Variants in CELSR1 observed in about 807,000 individuals in gnomAD.
CELSR1 encodes cadherin EGF LAG seven-pass G-type receptor 1.
Under a neutral mutation model 249.1 loss-of-function variants are expected in CELSR1, and 110 were observed. The ratio of observed to expected loss-of-function variants is 0.44; its 90% confidence interval spans 0.38 to 0.52. The LOEUF is 0.52. Ranked by LOEUF, CELSR1 falls within the 20% of genes least tolerant of loss-of-function variation. CELSR1 has a pLI of 0.00. For synonymous variants in CELSR1, 2,113 were observed against 1,900.0 expected, an observed-to-expected ratio of 1.11 and a Z score of -2.92; for missense variants, 4,109 against 4,296.4, an observed-to-expected ratio of 0.96 and a Z score of 1.22.
chr22:46,449,543 C>A (rs2079858914), intron 2 of CELSR1, among the ~76,000 whole-genome samples: 1 of 152,134 alleles, frequency 6.6e-6, no homozygotes, highest in African/African-American at 2.4e-5. Context: ...GCCCACCTGT[C>A]CCTCCACCCA....
Position 46,535,036 on chromosome 22 carries a change from C to T in CELSR1, c.2135G>A (p.Arg712His). 6.2e-7 allele frequency: 1 copy of T among 1,612,486 alleles called. No individual in the cohort carries two copies. The highest frequency in any genetic ancestry group is 8.5e-7 in the Non-Finnish European group (1 of 1,179,934). The change falls in exon 1 of 35, where the codon CGC becomes CAC. Residue 712 changes from arginine (R) to histidine (H), a missense_variant. Physicochemically the swap from Arg to His is conservative, Grantham distance 29. This residue lies in a region of CELSR1 where 886 missense variants were observed against 896.5 expected (regional missense o/e 0.99). Transcript: ENST00000674500. ...VGSSVLTLQA[R>H]DRDANSVITY... Reference sequence around the variant, plus strand: ...AATCACACTGTTGGCGTCACGGTCGCGGGCCTGCAGGGTCAGCACGCTGCT... The same window carrying T: ...AATCACACTGTTGGCGTCACGGTCGTGGGCCTGCAGGGTCAGCACGCTGCT...
chr22:46,365,443 C>T, intron 31 of CELSR1, 63 bp from the exon 32 acceptor site: 1 of 1,589,160 alleles, frequency 6.3e-7, no homozygotes, highest in Non-Finnish European at 8.6e-7. Context: ...CCACCGAGGG[C>T]CAAGCAGAGC....
In CELSR1 at chr22:46,535,950, G is replaced by A. The variant is rs1418919533; in HGVS notation, c.1221C>T (p.Gly407=). ...CCAGCACCGCCCGTGTGCTCACCACGCCAGAGCTCTCGTTGAGCTGGAAGA... is the reference window on the plus strand; with the variant it reads ...CCAGCACCGCCCGTGTGCTCACCACACCAGAGCTCTCGTTGAGCTGGAAGA... ...WDVFQLNESS[G]VVSTRAVLDR... Residue 407 remains glycine (G), a synonymous_variant, in exon 1 of 35, where the codon GGC becomes GGT. Transcript: ENST00000674500. The A allele has an allele frequency of 1.9e-6, 3 of 1,609,586 alleles. No individual in the cohort carries two copies. Among genetic ancestry groups the A allele is most frequent in the Non-Finnish European group, 1.7e-6 (2 of 1,179,780 alleles).
At chr22:46,522,787 C>T (rs1236844534) in intron 1 of CELSR1, among the ~76,000 whole-genome samples, 3 of 152,180 alleles carry the variant, frequency 2.0e-5, no homozygotes, top group Non-Finnish European at 4.4e-5. Context: ...GGCCATTCCA[C>T]CTTCGGAGGT....
chr22:46,424,028 A>G (rs1052672208), intron 5 of CELSR1, among the ~76,000 whole-genome samples: 3 of 152,150 alleles, frequency 2.0e-5, no homozygotes, highest in African/African-American at 4.8e-5. Flanking sequence ...TATCCTTCAG[A>G]AAAACATATG....
chr22:46,501,825 C>T (rs6008875), intron 1 of CELSR1, among the ~76,000 whole-genome samples: 3,289 of 152,312 alleles, frequency 0.022, 111 homozygotes, highest in African/African-American at 0.075. Flanking sequence ...CCCCCGCTGG[C>T]ACAGTCATGG....
chr22:46,508,311 G>A (rs1326339671), intron 1 of CELSR1, among the ~76,000 whole-genome samples: 1 of 133,650 alleles, frequency 7.5e-6, no homozygotes, highest in African/African-American at 2.7e-5. Context: ...GGGAGGATTT[G>A]CCCCGGGAGG....
chr22:46,368,568 G>A (rs572876688), intron 27 of CELSR1, among the ~76,000 whole-genome samples: 1 of 152,138 alleles, frequency 6.6e-6, no homozygotes, highest in African/African-American at 2.4e-5. Flanking sequence ...CCCTGGCTCA[G>A]TCCCATCTCA....
chr22:46,364,513 T>C lies in CELSR1; in HGVS notation c.8778A>G (p.Lys2926=). 6.2e-7 allele frequency: 1 copy of C among 1,608,696 alleles called. No individual in the cohort carries two copies. Among genetic ancestry groups the C allele is most frequent in the Non-Finnish European group, 8.5e-7 (1 of 1,178,072 alleles). ...TGCAGCCCCGGCCTCCCCAGGCACC[T>C]TTCCTCTGCTCTGGGGGCTGGCTGC... The part of the protein sequence containing the change: ...LASSQPPEQR[K]GILKNKVTYP... The change falls in exon 33 of 35, where the codon AAA becomes AAG. Residue 2926 remains lysine (K), a splice_region_variant and synonymous_variant. Transcript: ENST00000674500.
Position 46,476,050 on chromosome 22 carries a change from G to C in CELSR1, c.3545-11705C>G, listed in dbSNP as rs377250966. On this transcript the variant is annotated intron_variant, in intron 1 of 34. Transcript: ENST00000674500. ...CGTTGAGCAAGTGCATTCTTGTCAGGAGGCAGAACTTTCATTTAAGAGTTA... is the reference window on the plus strand; with the variant it reads ...CGTTGAGCAAGTGCATTCTTGTCAGCAGGCAGAACTTTCATTTAAGAGTTA... Among the ~76,000 whole-genome samples the C allele has an allele frequency of 2.6e-5, 4 of 152,108 alleles. No individual in the cohort carries two copies. In the East Asian group the frequency reaches 7.7e-4, roughly 29 times the overall value.
chr22:46,424,930 C>T (rs920726640), intron 5 of CELSR1, among the ~76,000 whole-genome samples: 1 of 152,214 alleles, frequency 6.6e-6, no homozygotes. Context: ...GAGATCGTGC[C>T]ACTGCACTCC....
At position 46,464,236 on chromosome 22, in the gene CELSR1, C is replaced by A; in HGVS notation, c.3654G>T (p.Lys1218Asn). The change falls in exon 2 of 35, where the codon AAG becomes AAT. Residue 1218 changes from lysine to asparagine, a missense_variant. Coordinates refer to ENST00000674500, the MANE Select transcript of CELSR1 (RefSeq NM_001378328.1). The surrounding 1 kb of genome is among the most constrained non-coding windows in gnomAD (Gnocchi z 8.5). Reference sequence around the variant, plus strand: ...AGAGGGCCAGCAGCGGGGACAGGAACTTCTCCTGGGACATGTTCTCCAGGC... The same window carrying A: ...AGAGGGCCAGCAGCGGGGACAGGAAATTCTCCTGGGACATGTTCTCCAGGC... ...TVRLENMSQE[K>N]FLSPLLALFV... is the part of the protein sequence containing the mutation. The A allele has an allele frequency of 6.2e-7, 1 of 1,613,794 alleles. No homozygotes were observed. The highest frequency in any genetic ancestry group is 8.5e-7 in the Non-Finnish European group (1 of 1,180,038).
At chr22:46,510,585 T>C (rs959954796) in intron 1 of CELSR1, among the ~76,000 whole-genome samples, 3 of 152,110 alleles carry the variant, frequency 2.0e-5, no homozygotes, top group African/African-American at 4.8e-5. Context: ...GCCGCCTTCA[T>C]CTCGGCTCAC....
intron 33 of CELSR1, 60 bp from the exon 34 acceptor site, chr22:46,364,311 G>A: frequency 6.3e-7 from 1 of 1,581,726 alleles, no homozygotes; most frequent in Non-Finnish European, 8.5e-7. Flanking sequence ...GCAGCTGCTG[G>A]GCCGTGTGCA....
At chr22:46,483,927 T>C (rs902150146) in intron 1 of CELSR1, among the ~76,000 whole-genome samples, 1 of 152,180 alleles carries the variant, frequency 6.6e-6, no homozygotes, top group Admixed American at 6.5e-5. Flanking sequence ...ATACCAATAA[T>C]TTGTACCTAT....
At chr22:46,492,802 T>G (rs149330372) in intron 1 of CELSR1, among the ~76,000 whole-genome samples, 1 of 152,030 alleles carries the variant, frequency 6.6e-6, no homozygotes, top group Non-Finnish European at 1.5e-5. Context: ...TGAGCCAAGA[T>G]AGCCAAGATC....
intron 1 of CELSR1, among the ~76,000 whole-genome samples, chr22:46,469,305 G>A (rs369413157): frequency 2.6e-5 from 4 of 152,136 alleles, no homozygotes; most frequent in Admixed American, 2.0e-4. Flanking sequence ...TGCGTGATCT[G>A]TCCCTGTCAT....
Position 46,389,388 on chromosome 22 carries a change from C to T in CELSR1, c.6457G>A (p.Val2153Met), listed in dbSNP as rs769005910. 8.1e-6 allele frequency: 13 copies of T among 1,611,782 alleles called. No homozygotes were observed. The highest frequency in any genetic ancestry group is 1.7e-4 in the Middle Eastern group (1 of 5,918). Residue 2153 changes from valine (V) to methionine (M), a missense_variant, in exon 18 of 35, where the codon GTG (valine) becomes ATG (methionine). By Grantham distance (21) the Val-to-Met change is conservative. Transcript: ENST00000674500. ...QHTGTLFGND[V>M]RTAYQLLGHV... is the part of the protein sequence containing the mutation. ...CCCAGCAGCTGGTAGGCCGTGCGCA[C>T]GTCATTGCCAAAGAGCGTGCCCGTG... is the stretch of plus-strand genomic sequence containing the variant.
intron 14 of CELSR1, 109 bp downstream of exon 14, chr22:46,394,033 G>A (rs747224807): frequency 3.1e-5 from 44 of 1,403,002 alleles, no homozygotes; most frequent in Non-Finnish European, 4.2e-5. Context: ...GTGTGCAGGG[G>A]TGTGAGTGTG....
Sources: allele counts gnomAD v4.1 joint callset (sites outside exome capture counted in the v4.1 genomes callset), GRCh38; gene constraint gnomAD v4.1.1; regional missense constraint gnomAD v4.1.1; non-coding constraint Gnocchi (gnomAD v3.1); transcripts MANE v1.5; gene names NCBI Gene and HGNC (gene_info 2026-07-23, HGNC 2026-07-21).